DZIP1L: variants seen among roughly 807,000 people sequenced by gnomAD.
DZIP1L encodes cilium assembly protein DZIP1L.
A neutral mutation model predicts 88.7 loss-of-function variants in DZIP1L; 90 were observed. The ratio of observed to expected loss-of-function variants is 1.02; its 90% CI spans 0.86 to 1.21. The LOEUF (loss-of-function observed/expected upper bound fraction) is 1.21, where lower values mean the gene tolerates loss of function less well. Among genes scored for constraint, DZIP1L ranks in the 50% most tolerant of loss-of-function variants. The pLI, the probability that DZIP1L is intolerant of heterozygous loss-of-function variation, is 0.00. For missense variants in DZIP1L, 932 were observed against 955.8 expected, an observed-to-expected ratio of 0.98 and a Z score of 0.33; for synonymous variants, 363 against 372.1, an observed-to-expected ratio of 0.98 and a Z score of 0.28.
intron 1 of DZIP1L, among the ~76,000 whole-genome samples, chr3:138,112,726 C>T (rs192224129): frequency 1.1e-4 from 17 of 152,172 alleles, no homozygotes; most frequent in African/African-American, 3.9e-4. Context: ...GAGGGCAGAT[C>T]GCCTGAGGTC....
chr3:138,088,724 C>G lies in DZIP1L; in HGVS notation c.871-217G>C. On this transcript the variant is annotated intron_variant, in intron 5 of 15. Coordinates refer to ENST00000327532, the MANE Select transcript of DZIP1L (RefSeq NM_173543.3). ...AGCCCTTGCATAGAAAAAGCAATTC[C>G]ATGGAAGAACAAATTAAAGAGTGTA... 4 of 1,222,488 alleles carry G rather than the reference C, an allele frequency of 3.3e-6. No homozygotes were observed. The South Asian group carries it at 1.2e-4, about 37-fold the overall frequency. The allele number at this position is 1,222,488 out of a possible 1,614,324, so 75.7% of individuals were successfully genotyped here. A position where few individuals can be genotyped will look rare whatever the true frequency, so the allele number is the denominator to read the frequency against.
chr3:138,071,759 C>T lies in DZIP1L; in HGVS notation c.1499G>A (p.Arg500Gln), dbSNP rs566510085. The change falls in exon 12 of 16, where the codon CGG becomes CAG. Residue 500 changes from arginine to glutamine, a missense_variant. Physicochemically the swap from Arg to Gln is conservative, Grantham distance 43. Transcript: ENST00000327532. Reference sequence around the variant, plus strand: ...CAGACTCAGAAATTCAGAAAACTTCCGGGCCTTCTGCTCCCGCTGGACTCT... The same window carrying T: ...CAGACTCAGAAATTCAGAAAACTTCTGGGCCTTCTGCTCCCGCTGGACTCT... The part of the protein sequence containing the change: ...LLRVQREQKA[R>Q]KFSEFLSLRG... 21 of 1,614,056 alleles carry T rather than the reference C, an allele frequency of 1.3e-5. No homozygotes were observed. Among genetic ancestry groups the T allele is most frequent in the African/African-American group, 5.3e-5 (4 of 74,920 alleles).
At chr3:138,108,888 GGTCT>G (rs1210452874) in intron 1 of DZIP1L, among the ~76,000 whole-genome samples, 2 of 152,158 alleles carry the variant, frequency 1.3e-5, no homozygotes, top group Admixed American at 6.5e-5. Context: ...CTCAAAGTGT[GGTCT>G]CTGGACCAGC....
intron 8 of DZIP1L, among the ~76,000 whole-genome samples, chr3:138,082,842 G>A (rs940156682): frequency 6.6e-6 from 1 of 152,182 alleles, no homozygotes; most frequent in African/African-American, 2.4e-5. Flanking sequence ...CACAAGTCTT[G>A]GGAAGGGACC....
At chr3:138,073,096 G>A (rs544764021) in intron 11 of DZIP1L, among the ~76,000 whole-genome samples, 1 of 152,204 alleles carries the variant, frequency 6.6e-6, no homozygotes, top group Admixed American at 6.5e-5. Context: ...CCTGGTAGCT[G>A]AAGACAAAGG....
chr3:138,081,285 T>A (rs1219731028), intron 9 of DZIP1L, among the ~76,000 whole-genome samples: 1 of 151,912 alleles, frequency 6.6e-6, no homozygotes, highest in African/African-American at 2.4e-5. Context: ...GACACACGCA[T>A]CCCCACACCA....
At chr3:138,106,821 G>A (rs1285931103) in intron 1 of DZIP1L, among the ~76,000 whole-genome samples, 1 of 150,708 alleles carries the variant, frequency 6.6e-6, no homozygotes, top group African/African-American at 2.4e-5. Context: ...GACAGAGCGA[G>A]ACTCCGTCTC....
At chr3:138,065,936 G>C (rs1942876356) in intron 14 of DZIP1L, among the ~76,000 whole-genome samples, 1 of 150,376 alleles carries the variant, frequency 6.6e-6, no homozygotes, top group Middle Eastern at 3.2e-3. Context: ...CAACCTGTTA[G>C]ATAGAAAATA....
At chr3:138,088,745 G>C in intron 5 of DZIP1L, 25 of 1,180,858 alleles carry the variant, frequency 2.1e-5, no homozygotes, top group Non-Finnish European at 2.6e-5. Context: ...AAATTAAAGA[G>C]TGTAGTTTCC....
At chr3:138,083,244 A>G (rs1943751761) in intron 8 of DZIP1L, among the ~76,000 whole-genome samples, 1 of 152,074 alleles carries the variant, frequency 6.6e-6, no homozygotes, top group African/African-American at 2.4e-5. Context: ...TTTTGGGGGG[A>G]AACTGAAAAG....
rs148944158 is a variant in DZIP1L at position 138,068,166 on chromosome 3, G to C, written c.1817C>G (p.Ser606Trp). 6.6e-7 allele frequency: 1 copy of C among 1,513,614 alleles called. No individual in the cohort carries two copies. The highest frequency in any genetic ancestry group is 2.4e-5 in the East Asian group (1 of 40,934). The allele number at this position is 1,513,614 out of a possible 1,614,324, so 93.8% of individuals were successfully genotyped here. A position where few individuals can be genotyped will look rare whatever the true frequency, so the allele number is the denominator to read the frequency against. The change falls in exon 13 of 16, where the codon TCG (serine) becomes TGG (tryptophan). Residue 606 changes from serine (S) to tryptophan (W), a missense_variant. By Grantham distance (177) the Ser-to-Trp change is radical. Coordinates refer to ENST00000327532, the MANE Select transcript of DZIP1L (RefSeq NM_173543.3). Reference sequence around the variant, plus strand: ...TGGGGCTCACCTCATCCCGGGCCCCGAGGAAGGAGGGGTGCTGGAGGGTCC... The same window carrying C: ...TGGGGCTCACCTCATCCCGGGCCCCCAGGAAGGAGGGGTGCTGGAGGGTCC... Reference protein sequence around the residue: ...LHGPSSTPPSSGPGMSTPPFS... With the variant: ...LHGPSSTPPSWGPGMSTPPFS...
At chr3:138,101,535 C>T in intron 2 of DZIP1L, 1 of 795,616 alleles carries the variant, frequency 1.3e-6, no homozygotes, top group Non-Finnish European at 2.2e-6. Context: ...AAGTCTCTAT[C>T]TTCTTCACAA....
chr3:138,110,000 T>C (rs1309349478), intron 1 of DZIP1L, among the ~76,000 whole-genome samples: 1 of 152,054 alleles, frequency 6.6e-6, no homozygotes, highest in Non-Finnish European at 1.5e-5. Context: ...GACGGGTTCA[T>C]AGGTGCAGCA....
At chr3:138,072,552 A>T (rs1472509037) in intron 11 of DZIP1L, among the ~76,000 whole-genome samples, 1 of 152,178 alleles carries the variant, frequency 6.6e-6, no homozygotes, top group Non-Finnish European at 1.5e-5. Context: ...ATGCTTGGCT[A>T]ATTTAATAAT....
intron 15 of DZIP1L, among the ~76,000 whole-genome samples, chr3:138,064,025 G>A (rs1019323974): frequency 6.6e-6 from 1 of 152,212 alleles, no homozygotes; most frequent in African/African-American, 2.4e-5. Flanking sequence ...CCTGATGGAG[G>A]AGAGACGGGC....
intron 4 of DZIP1L, 43 bp from the exon 5 acceptor site, chr3:138,092,587 T>G: frequency 2.0e-6 from 3 of 1,517,094 alleles, no homozygotes; most frequent in Non-Finnish European, 2.6e-6. Context: ...AATTCCACAT[T>G]ACAGCAAATA....
At chr3:138,096,141 A>T (rs1219102522) in intron 3 of DZIP1L, among the ~76,000 whole-genome samples, 1 of 152,232 alleles carries the variant, frequency 6.6e-6, no homozygotes, top group Non-Finnish European at 1.5e-5. Context: ...TTGGTTTAAT[A>T]ACATGATTTG....
intron 10 of DZIP1L, among the ~76,000 whole-genome samples, chr3:138,078,630 C>A (rs1310248275): frequency 6.6e-6 from 1 of 152,246 alleles, no homozygotes; most frequent in Non-Finnish European, 1.5e-5. Flanking sequence ...GATGCAGATT[C>A]TCAGCTCCCA....
At chr3:138,095,208 G>C (rs544026460) in intron 3 of DZIP1L, among the ~76,000 whole-genome samples, 1 of 152,334 alleles carries the variant, frequency 6.6e-6, no homozygotes, top group African/African-American at 2.4e-5. Context: ...AGGATGAAAT[G>C]TGAGAATGCA....
Sources: allele counts gnomAD v4.1 joint callset (sites outside exome capture counted in the v4.1 genomes callset), GRCh38; gene constraint gnomAD v4.1.1; transcripts MANE v1.5; gene names NCBI Gene and HGNC (gene_info 2026-07-23, HGNC 2026-07-21).